The following NSUN3 variants were observed in gnomAD, a reference collection of about 807,000 sequenced individuals.
The protein encoded by NSUN3 is NOP2/Sun RNA methyltransferase 3.
A neutral mutation model predicts 36.8 loss-of-function variants in NSUN3; 24 were observed. The ratio of observed to expected loss-of-function variants is 0.65; its 90% confidence interval spans 0.47 to 0.92. The LOEUF is 0.92. Among genes scored for constraint, NSUN3 ranks in the 40% least tolerant of loss-of-function variants. The pLI, the probability that NSUN3 is intolerant of heterozygous loss-of-function variation, is 0.00. For synonymous variants in NSUN3, 146 were observed against 145.2 expected (o/e 1.01, Z -0.04); for missense variants, 381 against 392.8 (o/e 0.97, Z 0.25).
At chr3:94,119,559 A>C (rs1435843230) in intron 5 of NSUN3, among the ~76,000 whole-genome samples, 1 of 152,050 alleles carries the variant, frequency 6.6e-6, no homozygotes. Flanking sequence ...CCTGCTGTGC[A>C]GCTGGGTTCC....
In NSUN3 at chr3:94,127,277, C is replaced by A. The variant is rs1420548434; in HGVS notation, c.*787C>A. 2 of 152,198 alleles carry A rather than the reference C, an allele frequency of 1.3e-5. No homozygotes were observed. Among genetic ancestry groups the A allele is most frequent in the Non-Finnish European group, 2.9e-5 (2 of 68,046 alleles). The allele number at this position is 152,198 out of a possible 1,614,324, so 9.4% of individuals were successfully genotyped here. A position where few individuals can be genotyped will look rare whatever the true frequency, so the allele number is the denominator to read the frequency against. On this transcript the variant is annotated 3_prime_UTR_variant, in exon 6 of 6. Transcript: ENST00000314622. ...CCGGAATGATTAATAACTGCAATCA[C>A]TGAACTATATTTGGAGAGTTTTGTT...
chr3:94,075,499 G>A (rs1346365719), intron 2 of NSUN3, among the ~76,000 whole-genome samples: 1 of 152,098 alleles, frequency 6.6e-6, no homozygotes, highest in Non-Finnish European at 1.5e-5. Flanking sequence ...GAATAAAAGT[G>A]ACATCTTTCT....
intron 5 of NSUN3, among the ~76,000 whole-genome samples, chr3:94,125,369 T>C (rs1458677376): frequency 1.3e-5 from 2 of 152,238 alleles, no homozygotes; most frequent in Non-Finnish European, 2.9e-5. Context: ...GTGATACAAC[T>C]TTCTGAAGAG....
chr3:94,082,136 A>C (rs2077271884), intron 2 of NSUN3: 1 of 152,118 alleles, frequency 6.6e-6, no homozygotes, highest in African/African-American at 2.4e-5. Context: ...ATGACTCAAC[A>C]CTGGATAGAT....
chr3:94,118,271 A>G (rs1315091349), intron 5 of NSUN3, among the ~76,000 whole-genome samples: 1 of 152,184 alleles, frequency 6.6e-6, no homozygotes, highest in Non-Finnish European at 1.5e-5. Flanking sequence ...TTTGCATTAT[A>G]ATTGGGCATT....
intron 5 of NSUN3, among the ~76,000 whole-genome samples, chr3:94,102,119 T>C (rs935914513): frequency 6.6e-6 from 1 of 151,492 alleles, no homozygotes; most frequent in African/African-American, 2.4e-5. Flanking sequence ...CGGTAACGTT[T>C]TGAAAATTTG....
At chr3:94,122,805 C>T (rs549241205) in intron 5 of NSUN3, among the ~76,000 whole-genome samples, 3 of 152,182 alleles carry the variant, frequency 2.0e-5, no homozygotes, top group Non-Finnish European at 2.9e-5. Context: ...TACAGCTGTA[C>T]TTTCATGTTG....
intron 3 of NSUN3, among the ~76,000 whole-genome samples, chr3:94,093,329 A>G (rs189855548): frequency 1.3e-5 from 2 of 150,162 alleles, no homozygotes; most frequent in Admixed American, 1.3e-4. Flanking sequence ...ATACATATAC[A>G]TATATGTATG....
Position 94,131,459 on chromosome 3 carries a change from C to G in NSUN3, c.*4969C>G, listed in dbSNP as rs2077508208. Among the ~76,000 whole-genome samples the G allele has an allele frequency of 6.6e-6, 1 of 152,092 alleles. No individual in the cohort carries two copies. Among genetic ancestry groups the G allele is most frequent in the Admixed American group, 6.5e-5 (1 of 15,270 alleles). ...ATTGTTCAGTTTCCTCCTTTTGTGT[C>G]ATACCCTATTCCCAGGGGATGAAAG... On this transcript the variant is annotated 3_prime_UTR_variant, in exon 6 of 6. Coordinates refer to ENST00000314622, the MANE Select transcript of NSUN3 (RefSeq NM_022072.5).
rs1185344955 is a variant in NSUN3 at position 94,130,704 on chromosome 3, CAG to C, written c.*4215_*4216del. Among the ~76,000 whole-genome samples the C allele has an allele frequency of 5.9e-5, 9 of 152,132 alleles. No homozygotes were observed. Among genetic ancestry groups the C allele is most frequent in the Non-Finnish European group, 1.2e-4 (8 of 68,020 alleles). ...TCTGGGGCTTCCACACTCTGGGTGT[CAG>C]GGGTACAGCTCACAGGCTTTCAGTT... On this transcript the variant is annotated 3_prime_UTR_variant, in exon 6 of 6. Coordinates refer to ENST00000314622, the MANE Select transcript of NSUN3 (RefSeq NM_022072.5).
chr3:94,083,980 C>T (rs1197476085), intron 2 of NSUN3, 127 bp from the exon 3 acceptor site: 1 of 682,582 alleles, frequency 1.5e-6, no homozygotes, highest in Admixed American at 2.8e-5. Flanking sequence ...GAATACTGAT[C>T]CTGTCTCTTA....
At chr3:94,106,742 AATG>A (rs1268560564) in intron 5 of NSUN3, among the ~76,000 whole-genome samples, 3 of 152,126 alleles carry the variant, frequency 2.0e-5, no homozygotes, top group Admixed American at 6.5e-5. Flanking sequence ...AACAGGGTGA[AATG>A]ATGAGAAACA....
intron 2 of NSUN3, among the ~76,000 whole-genome samples, chr3:94,065,888 A>G (rs935762137): frequency 2.6e-5 from 4 of 152,140 alleles, no homozygotes; most frequent in African/African-American, 7.2e-5. Context: ...ATGCCAGACA[A>G]TACTGACTTA....
chr3:94,089,871 A>G (rs1459916738), intron 3 of NSUN3, among the ~76,000 whole-genome samples: 1 of 152,128 alleles, frequency 6.6e-6, no homozygotes, highest in Admixed American at 6.5e-5. Context: ...CCTCAGTCTA[A>G]TTCTTTCTTC....
chr3:94,090,482 T>C (rs2077310122), intron 3 of NSUN3, among the ~76,000 whole-genome samples: 1 of 152,170 alleles, frequency 6.6e-6, no homozygotes. Flanking sequence ...TAAATATTCA[T>C]TATTATAATG....
chr3:94,092,919 C>CAAAAAAAAAAAAAAA (rs1161530879), intron 3 of NSUN3, among the ~76,000 whole-genome samples: 9 of 24,634 alleles, frequency 3.7e-4, no homozygotes, highest in Admixed American at 7.7e-4. Context: ...GACTGCATCT[C>CAAAAAAAAAAAAAAA]AAAAAAAAAA....
intron 5 of NSUN3, 107 bp downstream of exon 5, chr3:94,095,261 TGATTATTCCTCCAAA>T (rs2077332963): frequency 9.4e-7 from 1 of 1,066,070 alleles, no homozygotes; most frequent in Admixed American, 2.2e-5. Context: ...TAGGTGTCAA[TGATTATTCCTCCAAA>T]GGCTACACTC....
intron 2 of NSUN3, among the ~76,000 whole-genome samples, chr3:94,083,474 A>G (rs946211752): frequency 1.4e-4 from 22 of 152,162 alleles, no homozygotes; most frequent in African/African-American, 5.1e-4. Flanking sequence ...GTGGCCCGCA[A>G]TCAGTCTGAT....
intron 2 of NSUN3, among the ~76,000 whole-genome samples, chr3:94,073,436 C>T (rs578154464): frequency 9.5e-4 from 144 of 152,326 alleles, no homozygotes; most frequent in Non-Finnish European, 1.6e-3. Flanking sequence ...AAAAGTGTTC[C>T]TGTTTCTCCA....
Sources: allele counts gnomAD v4.1 joint callset (sites outside exome capture counted in the v4.1 genomes callset), GRCh38; gene constraint gnomAD v4.1.1; transcripts MANE v1.5; gene names NCBI Gene and HGNC (gene_info 2026-07-23, HGNC 2026-07-21).